The following FTSJ1 variants were observed in gnomAD, a reference collection of about 807,000 sequenced individuals.
The protein encoded by FTSJ1 is tRNA (cytidine(32)/guanosine(34)-2'-O)-methyltransferase.
A neutral mutation model predicts 28.5 loss-of-function variants in FTSJ1; 3 were observed. The ratio of observed to expected loss-of-function variants is 0.11; its 90% confidence interval spans 0.05 to 0.27. The LOEUF (loss-of-function observed/expected upper bound fraction) is 0.27, where lower values mean the gene tolerates loss of function less well. Ranked by LOEUF, FTSJ1 falls within the 10% of genes least tolerant of loss-of-function variation. FTSJ1 has a pLI of 1.00. For missense variants in FTSJ1, 162 were observed against 279.0 expected, an observed-to-expected ratio of 0.58 and a Z score of 2.99; for synonymous variants, 104 against 113.9, an observed-to-expected ratio of 0.91 and a Z score of 0.55.
At chrX:48,481,799 C>T (rs1293146407) in intron 9 of FTSJ1, 84 bp downstream of exon 9, 1 of 634,812 alleles carries the variant, frequency 1.6e-6, no homozygotes, top group South Asian at 2.3e-5. Context: ...CAGTCTCACC[C>T]CCTGGGGGAG....
In FTSJ1 at chrX:48,481,488, G is replaced by A; in HGVS notation, c.531G>A (p.Val177=). 8.3e-7 allele frequency: 1 copy of A among 1,212,033 alleles called. No individual in the cohort carries two copies. Among genetic ancestry groups the A allele is most frequent in the Non-Finnish European group, 1.1e-6 (1 of 895,287 alleles). The part of the protein sequence containing the change: ...YSQLQVFFSS[V]LCAKPRSSRN... Reference sequence around the variant, plus strand: ...AGCTGCAGGTCTTCTTCTCCAGCGTGCTGTGTGCCAAGCCCAGGAGCAGCC... The same window carrying A: ...AGCTGCAGGTCTTCTTCTCCAGCGTACTGTGTGCCAAGCCCAGGAGCAGCC... The change falls in exon 8 of 13, where the codon GTG becomes GTA. Residue 177 remains valine, a synonymous_variant. Coordinates refer to ENST00000348411, the MANE Select transcript of FTSJ1 (RefSeq NM_012280.4).
intron 5 of FTSJ1, among the ~76,000 whole-genome samples, chrX:48,479,851 C>T (rs1476846998): frequency 9.1e-6 from 1 of 109,309 alleles, no homozygotes; most frequent in Non-Finnish European, 1.9e-5. Context: ...TCTAAAAAAA[C>T]GGGGTGAGGA....
intron 2 of FTSJ1, 86 bp from the exon 3 acceptor site, chrX:48,478,363 C>T: frequency 1.0e-6 from 1 of 981,944 alleles, no homozygotes. Context: ...GGGTGCTCCC[C>T]AGGGGAGAGG....
chrX:48,478,361 C>T (rs1457017184), intron 2 of FTSJ1, 88 bp from the exon 3 acceptor site: 2 of 970,537 alleles, frequency 2.1e-6, no homozygotes, highest in Non-Finnish European at 2.9e-6. Context: ...GTGGGTGCTC[C>T]CCAGGGGAGA....
chrX:48,478,188 G>A lies in FTSJ1; in HGVS notation c.121+20G>A, dbSNP rs200290940. The stretch of plus-strand genomic sequence containing the variant: ...TCCAAGGTCCCTGACTGGTGGGCAG[G>A]TCACTGGGCGGTGAGGTGGGCACAG... On this transcript the variant is annotated intron_variant, in intron 2 of 12. Transcript: ENST00000348411. 8.4e-7 allele frequency: 1 copy of A among 1,197,264 alleles called. No homozygotes were observed. The highest frequency in any genetic ancestry group is 2.2e-5 in the Admixed American group (1 of 44,981).
intron 11 of FTSJ1, 57 bp from the exon 12 acceptor site, chrX:48,482,929 A>T (rs922530776): frequency 8.3e-7 from 1 of 1,209,305 alleles, no homozygotes; most frequent in Non-Finnish European, 1.1e-6. Flanking sequence ...AAAGCCAAGC[A>T]TAATGAATGG....
chrX:48,481,389 C>G (rs377377919), intron 7 of FTSJ1, 37 bp from the exon 8 acceptor site: 4 of 1,196,559 alleles, frequency 3.3e-6, no homozygotes, highest in Non-Finnish European at 2.3e-6. Context: ...CGCTGAGGGC[C>G]ACCCTCACCC....
chrX:48,480,026 C>T (rs1470684350), intron 5 of FTSJ1, among the ~76,000 whole-genome samples: 2 of 111,092 alleles, frequency 1.8e-5, no homozygotes, highest in Non-Finnish European at 3.8e-5. Flanking sequence ...TGCCTGTAAT[C>T]CCAGCTACTT....
At position 48,481,621 on chromosome X, in the gene FTSJ1, TC is replaced by T; in HGVS notation, c.572-7del. 1 of 1,183,029 alleles carries T rather than the reference TC, an allele frequency of 8.5e-7. No homozygotes were observed. The highest frequency in any genetic ancestry group is 1.2e-6 in the Non-Finnish European group (1 of 869,289). On this transcript the variant is annotated splice_polypyrimidine_tract_variant and intron_variant, in intron 8 of 12. Coordinates refer to ENST00000348411, the MANE Select transcript of FTSJ1 (RefSeq NM_012280.4). ...GCGGCAGTCATGCCTCACTCCACCTTCCCCTGGCAGAGGCCTTCGCTGTCTG... is the reference window on the plus strand; with the variant it reads ...GCGGCAGTCATGCCTCACTCCACCTTCCCTGGCAGAGGCCTTCGCTGTCTG...
chrX:48,481,122 C>A (rs1556968366), intron 5 of FTSJ1, 29 bp from the exon 6 acceptor site: 2 of 1,180,116 alleles, frequency 1.7e-6, no homozygotes, highest in Middle Eastern at 2.3e-4. Context: ...CCAGATGGGA[C>A]CCCCCTAACG....
chrX:48,479,389 G>A lies in FTSJ1; in HGVS notation c.361+273G>A, dbSNP rs186561153. ...CATCTCTCTGCAACTGTCCAATTCC[G>A]TTGCACTGTTCATTCATTTTCAGCC... On this transcript the variant is annotated intron_variant, in intron 5 of 12. Coordinates refer to ENST00000348411, the MANE Select transcript of FTSJ1 (RefSeq NM_012280.4). Among the ~76,000 whole-genome samples, 3 of 112,184 alleles carry A rather than the reference G, an allele frequency of 2.7e-5. 1 individual carries two copies. The highest frequency in any genetic ancestry group is 9.3e-3 in the Middle Eastern group (2 of 216).
At chrX:48,478,225 G>A (rs782700340) in intron 2 of FTSJ1, 57 bp downstream of exon 2, 1 of 1,103,542 alleles carries the variant, frequency 9.1e-7, no homozygotes, top group Non-Finnish European at 1.2e-6. Context: ...AGGTAAACAA[G>A]TAGGCTGGGT....
chrX:48,483,121 A>G (rs1461362892), intron 12 of FTSJ1, 94 bp downstream of exon 12: 9 of 671,612 alleles, frequency 1.3e-5, no homozygotes, highest in South Asian at 4.6e-5. Context: ...ATGTCAACTG[A>G]TAAGATTTTA....
intron 12 of FTSJ1, among the ~76,000 whole-genome samples, chrX:48,485,273 G>A (rs1313178059): frequency 9.0e-6 from 1 of 110,917 alleles, no homozygotes; most frequent in Non-Finnish European, 1.9e-5. Flanking sequence ...CAGCCTGGGT[G>A]ACAGAGTCAG....
In FTSJ1 at chrX:48,477,943, G is replaced by A; in HGVS notation, c.-87-18G>A. The stretch of plus-strand genomic sequence containing the variant: ...AGATGAGCCCAGTTTAGTTTGTGTG[G>A]TTCTCTCCGCCCTACAGAGGTAGGT... On this transcript the variant is annotated intron_variant, in intron 1 of 12. Transcript: ENST00000348411. 1 of 1,137,582 alleles carries A rather than the reference G, an allele frequency of 8.8e-7. No individual in the cohort carries two copies. Among genetic ancestry groups the A allele is most frequent in the South Asian group, 1.9e-5 (1 of 53,311 alleles). 93.7% of individuals were successfully genotyped at this position (1,137,582 alleles called of 1,213,427 possible). A position where few individuals can be genotyped will look rare whatever the true frequency, so the allele number is the denominator to read the frequency against.
In FTSJ1 at chrX:48,481,389, C is replaced by T. The variant is rs377377919; in HGVS notation, c.469-37C>T. The T allele has an allele frequency of 3.9e-5, 47 of 1,195,095 alleles. No homozygotes were observed. The Middle Eastern group carries it at 6.9e-4, about 18-fold the overall frequency. ...GGAGTAGAGGGAGGTCGCTGAGGGC[C>T]ACCCTCACCCGCTGTCTTTGCCTTC... On this transcript the variant is annotated intron_variant, in intron 7 of 12. Coordinates refer to ENST00000348411, the MANE Select transcript of FTSJ1 (RefSeq NM_012280.4).
Position 48,481,470 on chromosome X carries a change from G to A in FTSJ1, c.513G>A (p.Gln171=). The A allele has an allele frequency of 8.2e-7, 1 of 1,212,177 alleles. No homozygotes were observed. Among genetic ancestry groups the A allele is most frequent in the Non-Finnish European group, 1.1e-6 (1 of 895,470 alleles). The change falls in exon 8 of 13, where the codon CAG becomes CAA. Residue 171 remains glutamine, a synonymous_variant. Transcript: ENST00000348411. ...RDVTLLYSQL[Q]VFFSSVLCAK... ...TGACGCTCCTCTACAGCCAGCTGCAGGTCTTCTTCTCCAGCGTGCTGTGTG... is the reference window on the plus strand; with the variant it reads ...TGACGCTCCTCTACAGCCAGCTGCAAGTCTTCTTCTCCAGCGTGCTGTGTG...
At position 48,481,420 on chromosome X, in the gene FTSJ1, C is replaced by T; in HGVS notation, c.469-6C>T. ...CACCCGCTGTCTTTGCCTTCTCACC[C>T]TGCAGATATTCCGAGGCCGGGATGT... is the stretch of plus-strand genomic sequence containing the variant. On this transcript the variant is annotated splice_region_variant and splice_polypyrimidine_tract_variant and intron_variant, in intron 7 of 12. Transcript: ENST00000348411. 1 of 1,209,786 alleles carries T rather than the reference C, an allele frequency of 8.3e-7. No individual in the cohort carries two copies. The highest frequency in any genetic ancestry group is 1.7e-5 in the African/African-American group (1 of 57,925).
At chrX:48,478,234 G>A (rs782376827) in intron 2 of FTSJ1, 66 bp downstream of exon 2, 10 of 1,062,075 alleles carry the variant, frequency 9.4e-6, no homozygotes, top group Non-Finnish European at 1.3e-5. Context: ...AGTAGGCTGG[G>A]TCTGCAGAGC....
Sources: gnomAD v4.1 joint callset for allele counts (sites outside exome capture counted in the v4.1 genomes callset) on GRCh38, gnomAD v4.1.1 for gene constraint, MANE v1.5 for transcripts, NCBI Gene and HGNC (gene_info 2026-07-23, HGNC 2026-07-21) for gene names.